The following RBFOX1 variants were observed in gnomAD, a reference collection of about 807,000 sequenced individuals.
RBFOX1 encodes RNA binding protein fox-1 homolog 1.
In RBFOX1, 8 loss-of-function variants were observed where a neutral mutation model predicts 57.7. The ratio of observed to expected loss-of-function variants is 0.14; its 90% CI spans 0.08 to 0.25. The LOEUF (loss-of-function observed/expected upper bound fraction) is 0.25. RBFOX1 is among the 10% of genes least tolerant of loss of function. The pLI is 1.00. For synonymous variants in RBFOX1, 326 were observed against 222.4 expected, an observed-to-expected ratio of 1.47 and a Z score of -4.15; for missense variants, 611 against 548.5, an observed-to-expected ratio of 1.11 and a Z score of -1.14.
intron 2 of RBFOX1, among the ~76,000 whole-genome samples, chr16:5,512,893 C>A (rs933276227): frequency 6.6e-6 from 1 of 152,064 alleles, no homozygotes; most frequent in Non-Finnish European, 1.5e-5. Context: ...CTTTTAAGGT[C>A]CTCTGGACTG....
chr16:7,383,101 A>T (rs946636124), intron 4 of RBFOX1, among the ~76,000 whole-genome samples: 1 of 152,136 alleles, frequency 6.6e-6, no homozygotes, highest in African/African-American at 2.4e-5. Flanking sequence ...TTAGATTCTG[A>T]TTCTAGCAGG....
intron 4 of RBFOX1, among the ~76,000 whole-genome samples, chr16:7,225,531 G>C (rs932301530): frequency 2.0e-5 from 3 of 151,870 alleles, no homozygotes; most frequent in African/African-American, 7.3e-5. Flanking sequence ...TAAATTACCA[G>C]TCTCAAGTAT....
In RBFOX1 at chr16:7,710,918, G is replaced by C; in HGVS notation, c.*173G>C. The C allele has an allele frequency of 2.6e-6, 2 of 772,464 alleles. No individual in the cohort carries two copies. The highest frequency in any genetic ancestry group is 3.6e-6 in the Non-Finnish European group (2 of 553,782). 47.9% of individuals were successfully genotyped at this position (772,464 alleles called of 1,614,324 possible). A position where few individuals can be genotyped will look rare whatever the true frequency, so the allele number is the denominator to read the frequency against. On this transcript the variant is annotated 3_prime_UTR_variant, in exon 16 of 16. Coordinates refer to ENST00000550418, the MANE Select transcript of RBFOX1 (RefSeq NM_018723.4). ...TCTTATACCTCAGATATTTTGTTCT[G>C]TGTATTTTAATATTGTGGGTCTTTA...
At chr16:5,920,191 C>G (rs529178614) in intron 4 of RBFOX1, among the ~76,000 whole-genome samples, 27 of 152,346 alleles carry the variant, frequency 1.8e-4, no homozygotes, top group African/African-American at 6.0e-4. Flanking sequence ...GCCTTGGCCT[C>G]CCAAAGTGCT....
intron 4 of RBFOX1, among the ~76,000 whole-genome samples, chr16:7,180,261 C>T (rs541464208): frequency 6.6e-6 from 1 of 152,170 alleles, no homozygotes; most frequent in Non-Finnish European, 1.5e-5. Flanking sequence ...TATATTAACT[C>T]TTTATGTCCT....
chr16:5,957,169 T>C (rs992102600), intron 4 of RBFOX1, among the ~76,000 whole-genome samples: 2 of 152,196 alleles, frequency 1.3e-5, no homozygotes, highest in Non-Finnish European at 2.9e-5. Flanking sequence ...TCTTAGGTGA[T>C]TGATATGCTA....
At chr16:7,034,117 G>T (rs2043579332) in intron 3 of RBFOX1, among the ~76,000 whole-genome samples, 1 of 152,172 alleles carries the variant, frequency 6.6e-6, no homozygotes, top group African/African-American at 2.4e-5. Flanking sequence ...GCCATCCCTG[G>T]AGCAACAGGA....
chr16:6,545,018 C>A (rs368502715), intron 2 of RBFOX1, among the ~76,000 whole-genome samples: 3 of 152,060 alleles, frequency 2.0e-5, no homozygotes, highest in African/African-American at 7.2e-5. Context: ...ATAGGCTGAC[C>A]ATCTGTCAGG....
chr16:6,922,254 G>T (rs1437234821), intron 3 of RBFOX1, among the ~76,000 whole-genome samples: 1 of 152,086 alleles, frequency 6.6e-6, no homozygotes, highest in Admixed American at 6.6e-5. Context: ...AAAGACCTGA[G>T]CATCCTACAT....
chr16:7,518,981 C>A (rs2076977883), intron 5 of RBFOX1, among the ~76,000 whole-genome samples: 1 of 152,136 alleles, frequency 6.6e-6, no homozygotes, highest in South Asian at 2.1e-4. Context: ...TAAGATTGCT[C>A]CACTGAACTC....
At chr16:7,475,435 C>G (rs1425667455) in intron 4 of RBFOX1, among the ~76,000 whole-genome samples, 1 of 151,948 alleles carries the variant, frequency 6.6e-6, no homozygotes, top group Non-Finnish European at 1.5e-5. Flanking sequence ...CTGCGTCAGC[C>G]TCCTGAGTAG....
intron 1 of RBFOX1, among the ~76,000 whole-genome samples, chr16:6,305,884 C>T (rs1264479922): frequency 6.6e-6 from 1 of 152,000 alleles, no homozygotes; most frequent in Non-Finnish European, 1.5e-5. Flanking sequence ...GGTCTGTCCT[C>T]TAACTGACCC....
intron 3 of RBFOX1, among the ~76,000 whole-genome samples, chr16:5,769,368 C>A (rs1257206738): frequency 6.6e-6 from 1 of 151,552 alleles, no homozygotes; most frequent in South Asian, 2.1e-4. Flanking sequence ...GGGCTGGGTG[C>A]AGTGGCTCGC....
chr16:5,381,691 C>T (rs747396564), intron 1 of RBFOX1, among the ~76,000 whole-genome samples: 4 of 152,216 alleles, frequency 2.6e-5, no homozygotes, highest in Non-Finnish European at 5.9e-5. Flanking sequence ...GTGCCCAAGG[C>T]ATAGCAAGAG....
chr16:7,463,387 T>C (rs1440409218), intron 4 of RBFOX1, among the ~76,000 whole-genome samples: 1 of 152,076 alleles, frequency 6.6e-6, no homozygotes, highest in East Asian at 1.9e-4. Context: ...GCCTGTAATC[T>C]CCGATACTCG....
At chr16:6,814,933 A>G (rs1435482508) in intron 3 of RBFOX1, among the ~76,000 whole-genome samples, 1 of 152,174 alleles carries the variant, frequency 6.6e-6, no homozygotes, top group Non-Finnish European at 1.5e-5. Flanking sequence ...GTTTTTTAAG[A>G]AAATACAGGA....
At chr16:7,693,034 C>G (rs370448580) in intron 14 of RBFOX1, among the ~76,000 whole-genome samples, 37 of 152,196 alleles carry the variant, frequency 2.4e-4, no homozygotes, top group African/African-American at 8.2e-4. Flanking sequence ...ATGCTTTAGC[C>G]TTAGAAACAT....
At chr16:7,230,296 G>A (rs1443243824) in intron 4 of RBFOX1, among the ~76,000 whole-genome samples, 2 of 152,088 alleles carry the variant, frequency 1.3e-5, no homozygotes, top group African/African-American at 4.8e-5. Context: ...TCGTTGTCTA[G>A]TGGACAAGGC....
chr16:6,527,756 C>T (rs115392004), intron 2 of RBFOX1, among the ~76,000 whole-genome samples: 2,501 of 152,188 alleles, frequency 0.016, 65 homozygotes, highest in African/African-American at 0.054. Flanking sequence ...TTTTGTCTCT[C>T]ACCTTGTGGG....
Sources: allele counts gnomAD v4.1 joint callset (sites outside exome capture counted in the v4.1 genomes callset), GRCh38; gene constraint gnomAD v4.1.1; transcripts MANE v1.5; gene names NCBI Gene and HGNC (gene_info 2026-07-23, HGNC 2026-07-21).